PDE7B: variants seen among roughly 807,000 people sequenced by gnomAD.
The protein encoded by PDE7B is 3',5'-cyclic-AMP phosphodiesterase 7B.
In PDE7B, 29 loss-of-function variants were observed where a neutral mutation model predicts 56.2. That is an observed-to-expected ratio of 0.52 (90% confidence interval 0.38 to 0.70). The LOEUF (loss-of-function observed/expected upper bound fraction) is 0.70, where lower values mean the gene tolerates loss of function less well. Among genes scored for constraint, PDE7B ranks in the 30% least tolerant of loss-of-function variants. The probability of loss-of-function intolerance (pLI) is 0.00; values close to 1 mark genes in which losing one functional copy is unlikely to be tolerated. For synonymous variants in PDE7B, 197 were observed against 196.9 expected (o/e 1.00, Z 0.00); for missense variants, 490 against 565.0 (o/e 0.87, Z 1.35).
chr6:135,896,363 T>A (rs1260365615), intron 1 of PDE7B, among the ~76,000 whole-genome samples: 1 of 152,044 alleles, frequency 6.6e-6, no homozygotes, highest in Non-Finnish European at 1.5e-5. Context: ...AGATAACTAC[T>A]CCAACCCATA....
chr6:136,150,662 T>C (rs1471546), intron 5 of PDE7B, among the ~76,000 whole-genome samples: 74,712 of 152,040 alleles, frequency 0.49, 18,733 homozygotes, highest in African/African-American at 0.59. Context: ...GCATCTCTGC[T>C]GACTTGAATT....
chr6:136,036,098 T>A (rs1229205903), intron 2 of PDE7B, among the ~76,000 whole-genome samples: 1 of 152,234 alleles, frequency 6.6e-6, no homozygotes, highest in African/African-American at 2.4e-5. Flanking sequence ...GCAAACAGTC[T>A]ACATGTGATT....
chr6:136,081,967 C>G (rs1469480258), intron 2 of PDE7B, among the ~76,000 whole-genome samples: 3 of 152,126 alleles, frequency 2.0e-5, no homozygotes, highest in Non-Finnish European at 4.4e-5. Context: ...GAGCCCTGTC[C>G]CCAAAGTTCA....
chr6:136,164,888 T>C (rs1583918572), intron 8 of PDE7B, among the ~76,000 whole-genome samples: 2 of 152,168 alleles, frequency 1.3e-5, no homozygotes, highest in Non-Finnish European at 2.9e-5. Context: ...TGAATGGGCA[T>C]TAAATGCCAT....
intron 2 of PDE7B, among the ~76,000 whole-genome samples, chr6:136,008,959 T>C (rs1035252675): frequency 3.3e-5 from 5 of 152,210 alleles, no homozygotes; most frequent in East Asian, 3.9e-4. Flanking sequence ...AGGGTTTTTA[T>C]GGTTTTAGGT....
At chr6:136,065,562 A>G (rs1436476323) in intron 2 of PDE7B, among the ~76,000 whole-genome samples, 1 of 152,172 alleles carries the variant, frequency 6.6e-6, no homozygotes, top group Admixed American at 6.5e-5. Context: ...GCATTGTAGG[A>G]TTCTGCTTAA....
intron 2 of PDE7B, among the ~76,000 whole-genome samples, chr6:136,061,322 A>G (rs1776835338): frequency 6.6e-6 from 1 of 152,210 alleles, no homozygotes; most frequent in South Asian, 2.1e-4. Context: ...CTAGATACAT[A>G]GTTTGGAATT....
chr6:136,182,318 T>G (rs1779079523), intron 11 of PDE7B, among the ~76,000 whole-genome samples: 1 of 152,124 alleles, frequency 6.6e-6, no homozygotes, highest in Admixed American at 6.5e-5. Flanking sequence ...TTGAATTGAG[T>G]AAAAGTGGTT....
chr6:136,013,244 C>T (rs965282156), intron 2 of PDE7B, among the ~76,000 whole-genome samples: 7 of 152,156 alleles, frequency 4.6e-5, no homozygotes, highest in South Asian at 4.1e-4. Context: ...ATAAGTTATG[C>T]AATAAGCTAA....
At chr6:136,078,173 C>T (rs1248527032) in intron 2 of PDE7B, among the ~76,000 whole-genome samples, 1 of 152,150 alleles carries the variant, frequency 6.6e-6, no homozygotes, top group African/African-American at 2.4e-5. Context: ...GAGTCAGCTA[C>T]AAGGAAGATA....
At chr6:136,047,289 A>G (rs1170230068) in intron 2 of PDE7B, 1 of 152,244 alleles carries the variant, frequency 6.6e-6, no homozygotes, top group Non-Finnish European at 1.5e-5. Flanking sequence ...TACATGAAAA[A>G]AGATGTGTAC....
chr6:135,906,825 T>TTTTTTTTTTTTTTTTTTTTGTTTTG (rs1562434131), intron 1 of PDE7B, among the ~76,000 whole-genome samples: 1 of 145,782 alleles, frequency 6.9e-6, no homozygotes, highest in African/African-American at 2.6e-5. Context: ...TTTTTTTTTT[T>TTTTTTTTTTTTTTTTTTTTGTTTTG]TTTTTTTTTT....
chr6:135,864,066 C>T (rs1054763022), intron 1 of PDE7B, among the ~76,000 whole-genome samples: 1 of 151,952 alleles, frequency 6.6e-6, no homozygotes, highest in Non-Finnish European at 1.5e-5. Context: ...TTGCACTGCC[C>T]CCTTTCCGTT....
chr6:136,120,933 C>G (rs978606174), intron 3 of PDE7B, among the ~76,000 whole-genome samples: 1 of 152,150 alleles, frequency 6.6e-6, no homozygotes, highest in East Asian at 1.9e-4. Context: ...CCACCCTCCC[C>G]TACATGTCCA....
At chr6:136,106,359 C>A (rs1777645263) in intron 2 of PDE7B, among the ~76,000 whole-genome samples, 1 of 151,924 alleles carries the variant, frequency 6.6e-6, no homozygotes, top group South Asian at 2.1e-4. Flanking sequence ...TTTCTTTTTT[C>A]ATTTTAAAAA....
intron 8 of PDE7B, among the ~76,000 whole-genome samples, chr6:136,167,685 A>G (rs1778817336): frequency 6.6e-6 from 1 of 152,174 alleles, no homozygotes; most frequent in African/African-American, 2.4e-5. Context: ...TGTTTTGTTC[A>G]CTGATGTATT....
At chr6:136,006,722 A>C (rs1775791327) in intron 2 of PDE7B, among the ~76,000 whole-genome samples, 1 of 151,996 alleles carries the variant, frequency 6.6e-6, no homozygotes, top group South Asian at 2.1e-4. Context: ...AGCTATTGTT[A>C]GTGTATAGAA....
At chr6:135,967,875 G>A (rs1040005165) in intron 2 of PDE7B, among the ~76,000 whole-genome samples, 2 of 152,196 alleles carry the variant, frequency 1.3e-5, no homozygotes, top group South Asian at 4.1e-4. Flanking sequence ...GGACCTGAAG[G>A]CCAACCAAGA....
In PDE7B at chr6:136,029,923, A is replaced by T. The variant is rs573978885; in HGVS notation, c.83-78808A>T. On this transcript the variant is annotated intron_variant, in intron 2 of 12. Coordinates refer to ENST00000308191, the MANE Select transcript of PDE7B (RefSeq NM_018945.4). ...ACCATGCAAAGAATGTGTTGTATACATACTACATGTTAAATGGCCACTCCT... is the reference window on the plus strand; with the variant it reads ...ACCATGCAAAGAATGTGTTGTATACTTACTACATGTTAAATGGCCACTCCT... 2.6e-5 allele frequency among the ~76,000 whole-genome samples: 4 copies of T among 152,340 alleles called. No homozygotes were observed. The South Asian group carries it at 8.3e-4, about 32-fold the overall frequency.
Sources: allele counts gnomAD v4.1 joint callset (sites outside exome capture counted in the v4.1 genomes callset), GRCh38; gene constraint gnomAD v4.1.1; transcripts MANE v1.5; gene names NCBI Gene and HGNC (gene_info 2026-07-23, HGNC 2026-07-21).